Variants in KSR2 observed in about 807,000 individuals in gnomAD.
The protein encoded by KSR2 is kinase suppressor of ras 2.
In KSR2, 25 loss-of-function variants were observed where a neutral mutation model predicts 107.8. The observed-to-expected ratio is 0.23, with a 90% CI of 0.17 to 0.32. KSR2 has a LOEUF of 0.32. Ranked by LOEUF, KSR2 falls within the 10% of genes least tolerant of loss-of-function variation. KSR2 has a pLI of 1.00. For synonymous variants in KSR2, 480 were observed against 507.0 expected (o/e 0.95, Z 0.71); for missense variants, 887 against 1,268.9 (o/e 0.70, Z 4.57).
chr12:117,927,389 A>T (rs1593375817), intron 1 of KSR2, among the ~76,000 whole-genome samples: 1 of 66,080 alleles, frequency 1.5e-5, no homozygotes, highest in East Asian at 6.1e-4. Flanking sequence ...AAATAACAAC[A>T]AAAAAAAAAG....
chr12:117,567,214 G>A (rs1878555877), intron 7 of KSR2, among the ~76,000 whole-genome samples: 2 of 152,190 alleles, frequency 1.3e-5, no homozygotes, highest in Non-Finnish European at 1.5e-5. Context: ...GGGGAGTCAG[G>A]GAAGGCTTCC....
intron 5 of KSR2, among the ~76,000 whole-genome samples, chr12:117,620,190 C>A (rs1398894716): frequency 2.0e-5 from 3 of 152,110 alleles, no homozygotes; most frequent in Non-Finnish European, 4.4e-5. Flanking sequence ...GATAAGGACA[C>A]CAAGATCTGA....
intron 1 of KSR2, among the ~76,000 whole-genome samples, chr12:117,864,993 C>G (rs966265778): frequency 1.3e-5 from 2 of 152,034 alleles, no homozygotes; most frequent in Non-Finnish European, 2.9e-5. Context: ...CCCGTCTGAC[C>G]ATCTGTCTGC....
chr12:117,482,864 A>G (rs993557111), intron 16 of KSR2, among the ~76,000 whole-genome samples: 20 of 152,220 alleles, frequency 1.3e-4, no homozygotes, highest in African/African-American at 4.6e-4. Context: ...GCCCAGAAGC[A>G]AGTTAGAGAA....
chr12:117,528,607 T>C (rs991147439), intron 12 of KSR2, among the ~76,000 whole-genome samples: 6 of 152,138 alleles, frequency 3.9e-5, no homozygotes, highest in Admixed American at 1.3e-4. Flanking sequence ...AACCACAAAG[T>C]GGCATTCGCC....
At chr12:117,605,891 C>T (rs1255837966) in intron 5 of KSR2, among the ~76,000 whole-genome samples, 18 of 152,160 alleles carry the variant, frequency 1.2e-4, no homozygotes, top group South Asian at 2.1e-4. Context: ...CCAAACACAG[C>T]GTGTTCTCAC....
intron 4 of KSR2, among the ~76,000 whole-genome samples, chr12:117,697,471 T>A (rs1168285856): frequency 6.6e-6 from 1 of 152,204 alleles, no homozygotes; most frequent in Non-Finnish European, 1.5e-5. Context: ...TGCCAGGCGC[T>A]GTGGCCCATG....
chr12:117,650,070 CATT>C (rs1404851031), intron 5 of KSR2, among the ~76,000 whole-genome samples: 3 of 152,178 alleles, frequency 2.0e-5, no homozygotes, highest in African/African-American at 7.2e-5. Context: ...GAGGGATACA[CATT>C]ATTAATCCTG....
chr12:117,893,341 C>A (rs569938335), intron 1 of KSR2, among the ~76,000 whole-genome samples: 1 of 152,170 alleles, frequency 6.6e-6, no homozygotes, highest in African/African-American at 2.4e-5. Context: ...CTAAAAATGT[C>A]TTTTCAAAAA....
At chr12:117,711,459 A>G (rs1319747714) in intron 4 of KSR2, among the ~76,000 whole-genome samples, 2 of 152,264 alleles carry the variant, frequency 1.3e-5, no homozygotes, top group Admixed American at 1.3e-4. Flanking sequence ...GAGGAAGGCA[A>G]TCACAGTTGG....
chr12:117,492,977 C>T (rs527689816), intron 14 of KSR2, among the ~76,000 whole-genome samples: 108 of 152,262 alleles, frequency 7.1e-4, no homozygotes, highest in African/African-American at 2.3e-3. Context: ...CTGATTTTAG[C>T]TCCATGAGAC....
chr12:117,693,559 G>A (rs1290371415), intron 4 of KSR2, among the ~76,000 whole-genome samples: 6 of 152,290 alleles, frequency 3.9e-5, no homozygotes, highest in South Asian at 2.1e-4. Context: ...AGCAACAATC[G>A]TAATAGACAA....
At chr12:117,483,176 T>C (rs1393151696) in intron 16 of KSR2, among the ~76,000 whole-genome samples, 1 of 152,158 alleles carries the variant, frequency 6.6e-6, no homozygotes, top group Non-Finnish European at 1.5e-5. Flanking sequence ...CAAATAATTT[T>C]GTAGACTATG....
intron 14 of KSR2, among the ~76,000 whole-genome samples, chr12:117,493,704 G>T (rs1480714177): frequency 6.6e-6 from 1 of 152,176 alleles, no homozygotes; most frequent in Non-Finnish European, 1.5e-5. Flanking sequence ...TACATGGTTT[G>T]GCTGTGTCCC....
At chr12:117,665,897 C>G (rs1884638780) in intron 5 of KSR2, among the ~76,000 whole-genome samples, 1 of 152,230 alleles carries the variant, frequency 6.6e-6, no homozygotes, top group African/African-American at 2.4e-5. Flanking sequence ...TCTGCCTCAC[C>G]TGGCTGTTGC....
intron 3 of KSR2, among the ~76,000 whole-genome samples, chr12:117,796,842 C>T (rs1167517452): frequency 6.6e-6 from 1 of 152,168 alleles, no homozygotes; most frequent in African/African-American, 2.4e-5. Context: ...GGCATTCAGT[C>T]CCAGACCTGC....
chr12:117,609,663 T>C (rs1280607043), intron 5 of KSR2, among the ~76,000 whole-genome samples: 1 of 152,158 alleles, frequency 6.6e-6, no homozygotes, highest in Non-Finnish European at 1.5e-5. Flanking sequence ...AATGGCAGAG[T>C]TGAGTAGTCG....
At chr12:117,843,868 C>G (rs868608519) in intron 3 of KSR2, among the ~76,000 whole-genome samples, 1 of 152,020 alleles carries the variant, frequency 6.6e-6, no homozygotes, top group Non-Finnish European at 1.5e-5. Context: ...TCCCTGAAAC[C>G]GCAGGCTGCC....
intron 14 of KSR2, among the ~76,000 whole-genome samples, chr12:117,493,928 A>G (rs12319092): frequency 0.14 from 20,809 of 151,648 alleles, 2,664 homozygotes; most frequent in African/African-American, 0.34. Flanking sequence ...AGTGTCTGTC[A>G]CCTCCTGCCA....
Sources: allele counts gnomAD v4.1 joint callset (sites outside exome capture counted in the v4.1 genomes callset), GRCh38; gene constraint gnomAD v4.1.1; transcripts MANE v1.5; gene names NCBI Gene and HGNC (gene_info 2026-07-23, HGNC 2026-07-21).